The following GALNT6 variants were observed in gnomAD, a reference collection of about 807,000 sequenced individuals.
GALNT6 encodes GalNAc transferase 6.
Under a neutral mutation model 65.9 loss-of-function variants are expected in GALNT6, and 51 were observed. The ratio of observed to expected loss-of-function variants is 0.77; its 90% CI spans 0.62 to 0.98. The LOEUF is 0.98. Ranked by LOEUF, GALNT6 falls within the 50% of genes least tolerant of loss-of-function variation. GALNT6 has a pLI of 0.00. For missense variants in GALNT6, 708 were observed against 803.3 expected (o/e 0.88, Z 1.43); for synonymous variants, 323 against 315.1 (o/e 1.02, Z -0.26).
chr12:51,360,804 A>G lies in GALNT6; in HGVS notation c.1084T>C (p.Ser362Pro), dbSNP rs1407861279. Residue 362 changes from serine to proline, a missense_variant, in exon 7 of 12, where the codon TCC (serine) becomes CCC (proline). Ser to Pro is a moderately conservative substitution (Grantham distance 74). Coordinates refer to ENST00000356317, the MANE Select transcript of GALNT6 (RefSeq NM_007210.4). ...CCGATGTGCTCAAAGTAGGACTTGG[A>G]GATGGAGAAGAGGCCACCAGCAAAC... ...PTFAGGLFSI[S>P]KSYFEHIGTY... is the part of the protein sequence containing the mutation. 2 of 1,613,440 alleles carry G rather than the reference A, an allele frequency of 1.2e-6. No individual in the cohort carries two copies. Among genetic ancestry groups the G allele is most frequent in the South Asian group, 2.2e-5 (2 of 91,042 alleles).
In GALNT6 at chr12:51,362,471, A is replaced by G. The variant is rs1946953873; in HGVS notation, c.1050-1633T>C. ...CATGAAGAGCCTCGGCAAGCCATGC[A>G]TGCTACCGGGGCATGTGGGCCAAGG... On this transcript the variant is annotated intron_variant, in intron 6 of 11. Coordinates refer to ENST00000356317, the MANE Select transcript of GALNT6 (RefSeq NM_007210.4). Among the ~76,000 whole-genome samples the G allele has an allele frequency of 2.0e-5, 3 of 152,256 alleles. 1 individual carries two copies. The South Asian group carries it at 6.2e-4, about 32-fold the overall frequency.
At chr12:51,371,521 T>G (rs989062952) in intron 4 of GALNT6, among the ~76,000 whole-genome samples, 1 of 152,082 alleles carries the variant, frequency 6.6e-6, no homozygotes, top group African/African-American at 2.4e-5. Context: ...GTACTAAGAG[T>G]AGTCTTTCCT....
In GALNT6 at chr12:51,370,971, T is replaced by G. The variant is rs145206971; in HGVS notation, c.665-5392A>C. Among the ~76,000 whole-genome samples the G allele has an allele frequency of 4.0e-3, 611 of 152,216 alleles. 8 individuals are homozygous for G. The highest frequency in any genetic ancestry group is 0.014 in the African/African-American group (580 of 41,528). The stretch of plus-strand genomic sequence containing the variant: ...GATGATACGTTTTATGTCGTGCCTT[T>G]TACTACATACACACATGAAAAATCC... On this transcript the variant is annotated intron_variant, in intron 4 of 11. Coordinates refer to ENST00000356317, the MANE Select transcript of GALNT6 (RefSeq NM_007210.4).
Position 51,365,518 on chromosome 12 carries a change from C to T in GALNT6, c.726G>A (p.Arg242=), listed in dbSNP as rs768457860. The T allele has an allele frequency of 6.2e-7, 1 of 1,612,902 alleles. No individual in the cohort carries two copies. The highest frequency in any genetic ancestry group is 8.5e-7 in the Non-Finnish European group (1 of 1,179,984). ...TGATCAGCCCCTTCCGCTCCTCCTG[C>T]CGCACCACCCTCACCACCTGCAGCT... ...VKQLQVVRVV[R]QEERKGLITA... The change falls in exon 5 of 12, where the codon CGG becomes CGA. Residue 242 remains arginine, a synonymous_variant. Coordinates refer to ENST00000356317, the MANE Select transcript of GALNT6 (RefSeq NM_007210.4).
At position 51,364,645 on chromosome 12, in the gene GALNT6, G is replaced by A. The variant is rs572524452; in HGVS notation, c.815-290C>T. 4.6e-5 allele frequency among the ~76,000 whole-genome samples: 7 copies of A among 152,322 alleles called. No individual in the cohort carries two copies. The South Asian group carries it at 6.2e-4, about 14-fold the overall frequency. ...AGGGAGGCCCTGGATGGTATCTTCC[G>A]GGGTTCCAGCCGATCCATTGGCCCA... On this transcript the variant is annotated intron_variant, in intron 5 of 11. Transcript: ENST00000356317.
intron 8 of GALNT6, among the ~76,000 whole-genome samples, chr12:51,358,842 T>TCCTCCAAAG (rs1006032323): frequency 6.6e-6 from 1 of 152,156 alleles, no homozygotes; most frequent in Non-Finnish European, 1.5e-5. Context: ...TCAGAGCCAT[T>TCCTCCAAAG]CCTCCAAAGC....
intron 4 of GALNT6, 113 bp from the exon 5 acceptor site, chr12:51,365,692 C>T: frequency 1.9e-6 from 2 of 1,038,220 alleles, no homozygotes; most frequent in Non-Finnish European, 2.8e-6. Flanking sequence ...TTTTAAACCC[C>T]CAACACCTGC....
At chr12:51,382,142 G>T (rs1947695095) in intron 2 of GALNT6, among the ~76,000 whole-genome samples, 1 of 152,214 alleles carries the variant, frequency 6.6e-6, no homozygotes, top group Non-Finnish European at 1.5e-5. Context: ...CATCTATTTT[G>T]TATTAACTAT....
chr12:51,378,844 A>T (rs1947548842), intron 3 of GALNT6, among the ~76,000 whole-genome samples: 1 of 150,798 alleles, frequency 6.6e-6, no homozygotes, highest in South Asian at 2.1e-4. Context: ...AGGTGTGAGG[A>T]TATTCCTAAC....
chr12:51,380,822 A>G (rs1170478405), intron 2 of GALNT6, among the ~76,000 whole-genome samples: 1 of 152,198 alleles, frequency 6.6e-6, no homozygotes, highest in African/African-American at 2.4e-5. Flanking sequence ...AAGAAATGAC[A>G]TAACCAGTTT....
At chr12:51,366,140 A>G (rs1947096428) in intron 4 of GALNT6, among the ~76,000 whole-genome samples, 1 of 151,950 alleles carries the variant, frequency 6.6e-6, no homozygotes, top group Non-Finnish European at 1.5e-5. Flanking sequence ...CTGGTCTCGT[A>G]CTCCTGGCCT....
In GALNT6 at chr12:51,387,336, G is replaced by A. The variant is rs1177946468; in HGVS notation, c.-104+3514C>T. On this transcript the variant is annotated intron_variant, in intron 2 of 11. Transcript: ENST00000356317. This position sits in a 1 kb window ranked among gnomAD's most constrained non-coding sequence, Gnocchi z 4.2. ...GCTAGTCTTGAACTCCTGACCTCAA[G>A]TGATCTGTCTGCCTCGGCCTCCCAA... Among the ~76,000 whole-genome samples the A allele has an allele frequency of 6.6e-6, 1 of 152,184 alleles. No individual in the cohort carries two copies. Among genetic ancestry groups the A allele is most frequent in the Non-Finnish European group, 1.5e-5 (1 of 68,032 alleles).
intron 3 of GALNT6, among the ~76,000 whole-genome samples, chr12:51,378,854 C>A (rs147599282): frequency 6.6e-6 from 1 of 150,766 alleles, no homozygotes; most frequent in African/African-American, 2.4e-5. Flanking sequence ...ATATTCCTAA[C>A]CACCAGGGTT....
chr12:51,370,165 C>A (rs1319174493), intron 4 of GALNT6, among the ~76,000 whole-genome samples: 1 of 152,224 alleles, frequency 6.6e-6, no homozygotes, highest in African/African-American at 2.4e-5. Context: ...TAGCCAAAGG[C>A]AGAAACAGCC....
chr12:51,362,683 G>A (rs1946960715), intron 6 of GALNT6, among the ~76,000 whole-genome samples: 1 of 152,180 alleles, frequency 6.6e-6, no homozygotes, highest in Non-Finnish European at 1.5e-5. Context: ...ACAAAAGGCA[G>A]CTATGAAACA....
chr12:51,365,640 G>A (rs913223837), intron 4 of GALNT6, 61 bp from the exon 5 acceptor site: 2 of 1,548,488 alleles, frequency 1.3e-6, no homozygotes, highest in African/African-American at 1.4e-5. Context: ...AATCCCCTGT[G>A]GGCACCAAGC....
In GALNT6 at chr12:51,379,400, G is replaced by T; in HGVS notation, c.382C>A (p.Leu128Met). The change falls in exon 3 of 12, where the codon CTG becomes ATG. Residue 128 changes from leucine (L) to methionine (M), a missense_variant. Leu to Met is a conservative substitution (Grantham distance 15). Transcript: ENST00000356317. ...CCTTCTTCCTTTTCCTGGGTCTCCAGGGGGGTCCACTTGCTCTTCTGAAAT... is the reference window on the plus strand; with the variant it reads ...CCTTCTTCCTTTTCCTGGGTCTCCATGGGGGTCCACTTGCTCTTCTGAAAT... Reference protein sequence around the residue: ...KAFQKSKWTPLETQEKEEGYK... With the variant: ...KAFQKSKWTPMETQEKEEGYK... The T allele has an allele frequency of 6.2e-7, 1 of 1,604,832 alleles. No homozygotes were observed. The highest frequency in any genetic ancestry group is 8.5e-7 in the Non-Finnish European group (1 of 1,175,384).
intron 2 of GALNT6, among the ~76,000 whole-genome samples, chr12:51,380,857 G>A (rs1947647315): frequency 6.6e-6 from 1 of 152,208 alleles, no homozygotes; most frequent in South Asian, 2.1e-4. Flanking sequence ...AACGGTACAG[G>A]ATTAGAGATG....
chr12:51,357,994 A>T, intron 9 of GALNT6, 136 bp downstream of exon 9: 1 of 822,340 alleles, frequency 1.2e-6, no homozygotes, highest in Non-Finnish European at 1.9e-6. Flanking sequence ...GTGGCCTCTC[A>T]GTCCTCCTCC....
Sources: allele counts gnomAD v4.1 joint callset (sites outside exome capture counted in the v4.1 genomes callset), GRCh38; gene constraint gnomAD v4.1.1; non-coding constraint Gnocchi (gnomAD v3.1); transcripts MANE v1.5; gene names NCBI Gene and HGNC (gene_info 2026-07-23, HGNC 2026-07-21).